Variants in VCF1 observed in about 807,000 individuals in gnomAD.
VCF1 encodes VCP nuclear cofactor family member 1, also known as protein VCF1.
At chr17:73,213,566 A>C in the VCF1 span, among the ~76,000 whole-genome samples, 1 of 152,338 alleles carries the variant, frequency 6.6e-6, no homozygotes, top group Non-Finnish European at 1.5e-5. Context: ...TATATGACAA[A>C]ATATTTACGA....
the VCF1 span, among the ~76,000 whole-genome samples, chr17:73,221,677 C>T: frequency 5.9e-5 from 9 of 151,916 alleles, no homozygotes; most frequent in African/African-American, 2.2e-4. Context: ...TTGCTTGAGC[C>T]CAGGAGTTCA....
At chr17:73,227,052 A>T in the VCF1 span, 2 of 802,348 alleles carry the variant, frequency 2.5e-6, no homozygotes, top group African/African-American at 1.7e-5. Flanking sequence ...AAACCAGTAT[A>T]ATCAACTAAG....
At chr17:73,229,507 C>T in the VCF1 span, 8 of 985,256 alleles carry the variant, frequency 8.1e-6, no homozygotes, top group Admixed American at 3.1e-4. Context: ...GATTCCATCA[C>T]GTTGCATTAT....
the VCF1 span, among the ~76,000 whole-genome samples, chr17:73,225,882 A>ATATATATATATATATAT: frequency 4.0e-5 from 3 of 74,698 alleles, no homozygotes; most frequent in African/African-American, 1.7e-4. Flanking sequence ...ATATATATAT[A>ATATATATATATATATAT]ATATATATAT....
the VCF1 span, chr17:73,227,503 G>T: frequency 7.3e-6 from 5 of 681,592 alleles, no homozygotes; most frequent in African/African-American, 9.4e-5. Context: ...TTTCTAAAAA[G>T]AAGCTTAACA....
At chr17:73,229,990 A>C in the VCF1 span, among the ~76,000 whole-genome samples, 1 of 151,788 alleles carries the variant, frequency 6.6e-6, no homozygotes, top group Non-Finnish European at 1.5e-5. Context: ...TAAGAGATAA[A>C]GGATCTGTTA....
chr17:73,227,692 T>G, the VCF1 span: 9 of 985,372 alleles, frequency 9.1e-6, no homozygotes, highest in African/African-American at 1.6e-4. Context: ...TGCCTTTGCC[T>G]ATTTGCCCTG....
the VCF1 span, among the ~76,000 whole-genome samples, chr17:73,216,803 G>C: frequency 4.6e-5 from 7 of 152,132 alleles, no homozygotes; most frequent in Non-Finnish European, 1.0e-4. Context: ...CAGAAGCTCT[G>C]GTCTCTCAGC....
the VCF1 span, chr17:73,208,217 G>A: frequency 3.7e-6 from 6 of 1,600,684 alleles, no homozygotes; most frequent in African/African-American, 5.3e-5. Context: ...CTCCGCTTGT[G>A]TGTGCCGTGT....
At chr17:73,232,119 G>C in the VCF1 span, 1 of 1,610,132 alleles carries the variant, frequency 6.2e-7, no homozygotes, top group Non-Finnish European at 8.5e-7. Flanking sequence ...GGCAGCTGGC[G>C]GATGGAAGCT....
the VCF1 span, among the ~76,000 whole-genome samples, chr17:73,217,648 C>CAAAAATA: frequency 6.7e-5 from 10 of 150,134 alleles, no homozygotes; most frequent in African/African-American, 1.2e-4. Context: ...GACTCTGCCT[C>CAAAAATA]AAAAATAAAA....
chr17:73,227,019 C>G, the VCF1 span: 2 of 558,788 alleles, frequency 3.6e-6, no homozygotes, highest in Non-Finnish European at 5.9e-6. Flanking sequence ...TCAAAGGGAC[C>G]CTGATTTGGA....
chr17:73,232,030 G>A, the VCF1 span: 1 of 1,506,232 alleles, frequency 6.6e-7, no homozygotes, highest in South Asian at 1.3e-5. Flanking sequence ...CGCCCCCTCG[G>A]CTCTATCTCC....
the VCF1 span, chr17:73,208,723 G>C: frequency 2.1e-6 from 1 of 481,376 alleles, no homozygotes; most frequent in Admixed American, 3.3e-5. Context: ...AGGTGGAATT[G>C]TCAATGAGAT....
chr17:73,221,119 G>A, the VCF1 span, among the ~76,000 whole-genome samples: 136 of 151,016 alleles, frequency 9.0e-4, no homozygotes, highest in Non-Finnish European at 1.2e-3. Flanking sequence ...GGCTGGTCTC[G>A]AACTCCTGAC....
the VCF1 span, chr17:73,229,292 C>A: frequency 1.0e-6 from 1 of 985,442 alleles, no homozygotes; most frequent in South Asian, 4.7e-5. Context: ...TTGAAACATT[C>A]TTCTTTCAAC....
chr17:73,224,063 G>A, the VCF1 span, among the ~76,000 whole-genome samples: 1 of 135,290 alleles, frequency 7.4e-6, no homozygotes, highest in African/African-American at 2.7e-5. Flanking sequence ...GAGGGGAAGA[G>A]AAGAAAGTGG....
chr17:73,224,738 T>C, the VCF1 span, among the ~76,000 whole-genome samples: 1 of 152,204 alleles, frequency 6.6e-6, no homozygotes, highest in African/African-American at 2.4e-5. Flanking sequence ...TTAAAAGATA[T>C]TCCCTCTGCC....
the VCF1 span, chr17:73,208,786 A>G: frequency 2.6e-6 from 1 of 379,558 alleles, no homozygotes; most frequent in African/African-American, 2.1e-5. Flanking sequence ...ATTACATATT[A>G]CTTTACTTGC....
Sources: allele counts gnomAD v4.1 joint callset (sites outside exome capture counted in the v4.1 genomes callset), GRCh38; gene constraint gnomAD v4.1.1; transcripts MANE v1.5; gene names NCBI Gene and HGNC (gene_info 2026-07-23, HGNC 2026-07-21).